The following ZNF281 variants were observed in gnomAD, a reference collection of about 807,000 sequenced individuals.
ZNF281 encodes GC-box-binding zinc finger protein 1.
In ZNF281, 2 loss-of-function variants were observed where a neutral mutation model predicts 58.8. That is an observed-to-expected ratio of 0.03 (90% confidence interval 0.01 to 0.11). The LOEUF (loss-of-function observed/expected upper bound fraction) is 0.11, where lower values mean the gene tolerates loss of function less well. ZNF281 is among the 10% of genes least tolerant of loss of function. ZNF281 has a pLI of 1.00. For synonymous variants in ZNF281, 465 were observed against 407.7 expected (o/e 1.14, Z -1.69); for missense variants, 975 against 1,090.7 (o/e 0.89, Z 1.49).
In ZNF281 at chr1:200,404,993, C is replaced by G. The variant is rs568650903; in HGVS notation, c.*2025G>C. 6.6e-6 allele frequency: 1 copy of G among 152,612 alleles called. No individual in the cohort carries two copies. Among genetic ancestry groups the G allele is most frequent in the African/African-American group, 2.4e-5 (1 of 41,544 alleles). The allele number at this position is 152,612 out of a possible 1,614,324, so 9.5% of individuals were successfully genotyped here. A position where few individuals can be genotyped will look rare whatever the true frequency, so the allele number is the denominator to read the frequency against. The stretch of plus-strand genomic sequence containing the variant: ...TTTATTGGTAGTAAACTAGAGCAAA[C>G]AATCAGAATAATACATATGCAGTAT... On this transcript the variant is annotated 3_prime_UTR_variant, in exon 2 of 2. Transcript: ENST00000367353.
chr1:200,409,597 C>CGCT lies in ZNF281; in HGVS notation c.106_108dup (p.Ser36dup), dbSNP rs1028445339. 1.7e-5 allele frequency: 27 copies of CGCT among 1,549,086 alleles called. No individual in the cohort carries two copies. The Admixed American group carries it at 2.5e-4, about 15-fold the overall frequency. ...GTGGGTTCCATCTCTGCCCTCCTGC[C>CGCT]GCTGCTGCCGCCGCCGCCGCCGCCG... is the stretch of plus-strand genomic sequence containing the variant. On this transcript the variant is annotated inframe_insertion, in exon 2 of 2. Coordinates refer to ENST00000367353, the MANE Select transcript of ZNF281 (RefSeq NM_001281293.2).
In ZNF281 at chr1:200,408,489, G is replaced by T; in HGVS notation, c.1217C>A (p.Thr406Lys). Reference sequence around the variant, plus strand: ...TTCAATAGCTATGCTTTTTGACTTTGTTTTTCTCCTTGAAGAACTTGTATT... The same window carrying T: ...TTCAATAGCTATGCTTTTTGACTTTTTTTTTCTCCTTGAAGAACTTGTATT... The part of the protein sequence containing the change: ...QGNTSSSRRK[T>K]KSKSIAIENK... Residue 406 changes from threonine (T) to lysine (K), a missense_variant, in exon 2 of 2, where the codon ACA (threonine) becomes AAA (lysine). Around this residue, in one of 3 missense-constraint regions of ZNF281, gnomAD observed 579 missense variants for 608.9 expected, o/e 0.95. Coordinates refer to ENST00000367353, the MANE Select transcript of ZNF281 (RefSeq NM_001281293.2). 7 of 1,614,132 alleles carry T rather than the reference G, an allele frequency of 4.3e-6. No individual in the cohort carries two copies. Among genetic ancestry groups the T allele is most frequent in the Non-Finnish European group, 5.1e-6 (6 of 1,180,022 alleles).
rs551894990 is a variant in ZNF281 at position 200,406,935 on chromosome 1, G to A, written c.*83C>T. ...GCATCACATTATTCTTAATAGGATC[G>A]TGTAGAAACATTCCAATGGCAGTGT... On this transcript the variant is annotated 3_prime_UTR_variant, in exon 2 of 2. Coordinates refer to ENST00000367353, the MANE Select transcript of ZNF281 (RefSeq NM_001281293.2). The A allele has an allele frequency of 4.4e-5, 60 of 1,352,120 alleles. No homozygotes were observed. The African/African-American group carries it at 5.4e-4, about 12-fold the overall frequency. 83.8% of individuals were successfully genotyped at this position (1,352,120 alleles called of 1,614,324 possible). A position where few individuals can be genotyped will look rare whatever the true frequency, so the allele number is the denominator to read the frequency against.
rs768618495 is a variant in ZNF281, at chr1:200,407,784, T to C, written c.1922A>G (p.His641Arg). 3.7e-6 allele frequency: 6 copies of C among 1,614,174 alleles called. No homozygotes were observed. The highest frequency in any genetic ancestry group is 2.2e-5 in the South Asian group (2 of 91,090). Reference sequence around the variant, plus strand: ...ATTTTCTTCTTGAACCAATTCTGAGTGTTCTCCTGAGGTGTGTAAATCCAC... The same window carrying C: ...ATTTTCTTCTTGAACCAATTCTGAGCGTTCTCCTGAGGTGTGTAAATCCAC... ...PRVDLHTSGEHSELVQEENLS... is the reference protein window; with the variant it reads ...PRVDLHTSGERSELVQEENLS... Residue 641 changes from histidine (H) to arginine (R), a missense_variant, in exon 2 of 2, where the codon CAC (histidine) becomes CGC (arginine). Transcript: ENST00000367353.
chr1:200,409,848 A>G, intron 1 of ZNF281, 98 bp downstream of exon 1: 1 of 1,288,408 alleles, frequency 7.8e-7, no homozygotes, highest in South Asian at 1.5e-5. Flanking sequence ...GCCCAGCACT[A>G]ATTCCCAGCC....
In ZNF281 at chr1:200,407,690, G is replaced by A. The variant is rs1224258930; in HGVS notation, c.2016C>T (p.Leu672=). 1.2e-6 allele frequency: 2 copies of A among 1,614,198 alleles called. No homozygotes were observed. The highest frequency in any genetic ancestry group is 1.3e-5 in the African/African-American group (1 of 75,054). ...ASMLQEYSKY[L]QQAFEKSTNA... ...TAGTGGATTTTTCAAAAGCCTGTTG[G>A]AGGTATTTGGAGTATTCTTGCAACA... The change falls in exon 2 of 2, where the codon CTC becomes CTT. Residue 672 remains leucine (L), a synonymous_variant. Coordinates refer to ENST00000367353, the MANE Select transcript of ZNF281 (RefSeq NM_001281293.2).
Position 200,409,572 on chromosome 1 carries a change from G to A in ZNF281, c.134C>T (p.Thr45Ile). ...GAACATAACCATACCCTGGGGAAAG[G>A]TGGGTTCCATCTCTGCCCTCCTGCC... ...SSGRRAEMEP[T>I]FPQGMVMFNH... is the part of the protein sequence containing the mutation. The change falls in exon 2 of 2, where the codon ACC becomes ATC. Residue 45 changes from threonine (T) to isoleucine (I), a missense_variant. Physicochemically the swap from Thr to Ile is moderately conservative, Grantham distance 89. Coordinates refer to ENST00000367353, the MANE Select transcript of ZNF281 (RefSeq NM_001281293.2). 1.3e-6 allele frequency: 2 copies of A among 1,549,590 alleles called. No individual in the cohort carries two copies. The highest frequency in any genetic ancestry group is 2.4e-5 in the East Asian group (1 of 40,878).
At position 200,408,504 on chromosome 1, in the gene ZNF281, G is replaced by A. The variant is rs745339909; in HGVS notation, c.1202C>T (p.Ser401Phe). 3 of 1,614,042 alleles carry A rather than the reference G, an allele frequency of 1.9e-6. No individual in the cohort carries two copies. The highest frequency in any genetic ancestry group is 3.3e-5 in the Admixed American group (2 of 59,990). ...TTTTGACTTTGTTTTTCTCCTTGAAGAACTTGTATTTCCCTGAGACAACAC... is the reference window on the plus strand; with the variant it reads ...TTTTGACTTTGTTTTTCTCCTTGAAAAACTTGTATTTCCCTGAGACAACAC... ...LAVLSQGNTS[S>F]SRRKTKSKSI... is the part of the protein sequence containing the mutation. The change falls in exon 2 of 2, where the codon TCT becomes TTT. Residue 401 changes from serine to phenylalanine, a missense_variant. Ser to Phe is a radical substitution (Grantham distance 155). This residue lies in a region of ZNF281 where 579 missense variants were observed against 608.9 expected (regional missense o/e 0.95). Transcript: ENST00000367353.
In ZNF281 at chr1:200,407,606, G is replaced by A. The variant is rs1237441226; in HGVS notation, c.2100C>T (p.His700=). The A allele has an allele frequency of 6.2e-7, 1 of 1,614,240 alleles. No homozygotes were observed. ...FQFVSLSSPL[H]NHTLFPEKQI... Reference sequence around the variant, plus strand: ...GTTTTTCTGGAAACAAAGTGTGGTTGTGGAGAGGTGAAGACAAACTGACAA... The same window carrying A: ...GTTTTTCTGGAAACAAAGTGTGGTTATGGAGAGGTGAAGACAAACTGACAA... Residue 700 remains histidine (H), a synonymous_variant, in exon 2 of 2, where the codon CAC becomes CAT. Coordinates refer to ENST00000367353, the MANE Select transcript of ZNF281 (RefSeq NM_001281293.2).
At position 200,409,203 on chromosome 1, in the gene ZNF281, C is replaced by G. The variant is rs750426053; in HGVS notation, c.503G>C (p.Gly168Ala). The change falls in exon 2 of 2, where the codon GGG becomes GCG. Residue 168 changes from glycine (G) to alanine (A), a missense_variant. Physicochemically the swap from Gly to Ala is moderately conservative, Grantham distance 60 (BLOSUM62 0). This residue lies in a region of ZNF281 where 370 missense variants were observed against 360.9 expected (regional missense o/e 1.03). Coordinates refer to ENST00000367353, the MANE Select transcript of ZNF281 (RefSeq NM_001281293.2). ...ERSPGLGGGE[G>A]GSHGVIQDLS... ...GTCCTGGATGACGCCGTGACTCCCCCCTTCACCGCCTCCTAGGCCTGGAGA... is the reference window on the plus strand; with the variant it reads ...GTCCTGGATGACGCCGTGACTCCCCGCTTCACCGCCTCCTAGGCCTGGAGA... 32 of 1,614,030 alleles carry G rather than the reference C, an allele frequency of 2.0e-5. No homozygotes were observed. The highest frequency in any genetic ancestry group is 2.7e-5 in the African/African-American group (2 of 74,918).
Position 200,409,603 on chromosome 1 carries a change from TGCCGCCGCCGCCGCC to T in ZNF281, c.88_102del (p.Gly30_Gly34del). The T allele has an allele frequency of 1.3e-6, 2 of 1,548,058 alleles. No homozygotes were observed. The highest frequency in any genetic ancestry group is 2.4e-5 in the East Asian group (1 of 40,834). ...TCCATCTCTGCCCTCCTGCCGCTGCTGCCGCCGCCGCCGCCGCCGCCACTACCACCGCCGCCGGAG... is the reference window on the plus strand; with the variant it reads ...TCCATCTCTGCCCTCCTGCCGCTGCTGCCGCCACTACCACCGCCGCCGGAG... On this transcript the variant is annotated inframe_deletion, in exon 2 of 2. Transcript: ENST00000367353.
rs139608913 is a variant in ZNF281, at chr1:200,407,546, G to A, written c.2160C>T (p.Phe720=). 1.4e-4 allele frequency: 219 copies of A among 1,614,178 alleles called. No individual in the cohort carries two copies. The highest frequency in any genetic ancestry group is 1.6e-4 in the Middle Eastern group (1 of 6,062). ...IYTTSPLECG[F]GQSVTSVLPS... is the part of the protein sequence containing the mutation. ...GCAACACTGAGGTAACAGATTGGCC[G>A]AAACCACACTCCAAAGGAGACGTAG... The change falls in exon 2 of 2, where the codon TTC becomes TTT. Residue 720 remains phenylalanine (F), a synonymous_variant. Coordinates refer to ENST00000367353, the MANE Select transcript of ZNF281 (RefSeq NM_001281293.2).
rs1306005623 is a variant in ZNF281 at position 200,409,308 on chromosome 1, G to A, written c.398C>T (p.Ala133Val). ...SLVSIKQEKP[A>V]DPEEQQSHHH... ...GTGGGACTGCTGCTCCTCAGGATCC[G>A]CGGGTTTCTCCTGTTTGATGCTAAC... is the stretch of plus-strand genomic sequence containing the variant. The change falls in exon 2 of 2, where the codon GCG becomes GTG. Residue 133 changes from alanine to valine, a missense_variant. This residue lies in a region of ZNF281 where 370 missense variants were observed against 360.9 expected (regional missense o/e 1.03). Coordinates refer to ENST00000367353, the MANE Select transcript of ZNF281 (RefSeq NM_001281293.2). The A allele has an allele frequency of 1.9e-6, 3 of 1,600,614 alleles. No homozygotes were observed. Among genetic ancestry groups the A allele is most frequent in the South Asian group, 1.1e-5 (1 of 89,628 alleles).
rs1447306413 is a variant in ZNF281 at position 200,409,307 on chromosome 1, C to T, written c.399G>A (p.Ala133=). Residue 133 remains alanine, a synonymous_variant, in exon 2 of 2, where the codon GCG becomes GCA. Transcript: ENST00000367353. ...SLVSIKQEKP[A]DPEEQQSHHH... is the part of the protein sequence containing the mutation. Reference sequence around the variant, plus strand: ...GGTGGGACTGCTGCTCCTCAGGATCCGCGGGTTTCTCCTGTTTGATGCTAA... The same window carrying T: ...GGTGGGACTGCTGCTCCTCAGGATCTGCGGGTTTCTCCTGTTTGATGCTAA... The T allele has an allele frequency of 5.0e-6, 8 of 1,601,568 alleles. No homozygotes were observed. The highest frequency in any genetic ancestry group is 6.8e-6 in the Non-Finnish European group (8 of 1,173,684).
At position 200,409,701 on chromosome 1, in the gene ZNF281, T is replaced by A. The variant is rs1302506020; in HGVS notation, c.5A>T (p.Lys2Ile). 1 of 1,589,480 alleles carries A rather than the reference T, an allele frequency of 6.3e-7. No individual in the cohort carries two copies. Among genetic ancestry groups the A allele is most frequent in the African/African-American group, 1.4e-5 (1 of 72,858 alleles). Residue 2 changes from lysine (K) to isoleucine (I), a missense_variant, in exon 2 of 2, where the codon AAA becomes ATA. Physicochemically the swap from Lys to Ile is moderately radical, Grantham distance 102 (BLOSUM62 -3). This residue lies in a region of ZNF281 where 370 missense variants were observed against 360.9 expected (regional missense o/e 1.03). Coordinates refer to ENST00000367353, the MANE Select transcript of ZNF281 (RefSeq NM_001281293.2). Reference sequence around the variant, plus strand: ...GCCACTCAGGAACCCACTGCCGATTTTCATACCCCGGAGGAGGCCTGGCTG... The same window carrying A: ...GCCACTCAGGAACCCACTGCCGATTATCATACCCCGGAGGAGGCCTGGCTG... M[K>I]IGSGFLSGGG...
At position 200,407,019 on chromosome 1, in the gene ZNF281, T is replaced by C. The variant is rs1388305755; in HGVS notation, c.2687A>G (p.Ter896=). The stretch of plus-strand genomic sequence containing the variant: ...TCCAGCCTGGCCACTTTTGGGACCT[T>C]ACCTGTAACTCTGGCTGGTGGGTGT... ...VKTPTSQSYR[*] Residue 896 remains the stop codon, a stop_retained_variant, in exon 2 of 2, where the codon TAA becomes TGA. Transcript: ENST00000367353. The C allele has an allele frequency of 1.2e-6, 2 of 1,606,582 alleles. No individual in the cohort carries two copies. Among genetic ancestry groups the C allele is most frequent in the Non-Finnish European group, 1.7e-6 (2 of 1,176,258 alleles).
chr1:200,406,928 T>A lies in ZNF281; in HGVS notation c.*90A>T. The A allele has an allele frequency of 7.7e-7, 1 of 1,300,112 alleles. No homozygotes were observed. The highest frequency in any genetic ancestry group is 1.0e-6 in the Non-Finnish European group (1 of 956,866). 80.5% of individuals were successfully genotyped at this position (1,300,112 alleles called of 1,614,324 possible). A position where few individuals can be genotyped will look rare whatever the true frequency, so the allele number is the denominator to read the frequency against. ...TGAAAGGGCATCACATTATTCTTAATAGGATCGTGTAGAAACATTCCAATG... is the reference window on the plus strand; with the variant it reads ...TGAAAGGGCATCACATTATTCTTAAAAGGATCGTGTAGAAACATTCCAATG... On this transcript the variant is annotated 3_prime_UTR_variant, in exon 2 of 2. Coordinates refer to ENST00000367353, the MANE Select transcript of ZNF281 (RefSeq NM_001281293.2).
Position 200,407,265 on chromosome 1 carries a change from A to C in ZNF281, c.2441T>G (p.Ile814Arg). The C allele has an allele frequency of 6.2e-7, 1 of 1,614,232 alleles. No individual in the cohort carries two copies. The highest frequency in any genetic ancestry group is 8.5e-7 in the Non-Finnish European group (1 of 1,180,042). Residue 814 changes from isoleucine (I) to arginine (R), a missense_variant, in exon 2 of 2, where the codon ATA (isoleucine) becomes AGA (arginine). Ile to Arg is a moderately conservative substitution (Grantham distance 97). This residue lies in a region of ZNF281 where 579 missense variants were observed against 608.9 expected (regional missense o/e 0.95). Transcript: ENST00000367353. The stretch of plus-strand genomic sequence containing the variant: ...AGGCTCTATGTCTTTCTGAGGATCT[A>C]TCTGGCTAGCTAACTCCTGAGATGG... Reference protein sequence around the residue: ...QIPSQELASQIDPQKDIEPRT... With the variant: ...QIPSQELASQRDPQKDIEPRT...
Position 200,405,763 on chromosome 1 carries a change from T to G in ZNF281, c.*1255A>C, listed in dbSNP as rs1436385597. ...GATGTTATTACTATAAGCAGACACA[T>G]TCTTATCCCTCACAGGAGTTATGTC... is the stretch of plus-strand genomic sequence containing the variant. On this transcript the variant is annotated 3_prime_UTR_variant, in exon 2 of 2. Coordinates refer to ENST00000367353, the MANE Select transcript of ZNF281 (RefSeq NM_001281293.2). 1 of 152,188 alleles carries G rather than the reference T, an allele frequency of 6.6e-6. No homozygotes were observed. Among genetic ancestry groups the G allele is most frequent in the Admixed American group, 6.5e-5 (1 of 15,282 alleles). The allele number at this position is 152,188 out of a possible 1,614,324, so 9.4% of individuals were successfully genotyped here.
Sources: allele counts gnomAD v4.1 joint callset, GRCh38; gene constraint gnomAD v4.1.1; regional missense constraint gnomAD v4.1.1; transcripts MANE v1.5; gene names NCBI Gene and HGNC (gene_info 2026-07-23, HGNC 2026-07-21).